DISP1: variants seen among roughly 807,000 people sequenced by gnomAD.
DISP1 encodes the protein dispatched RND transporter family member 1, also known as protein dispatched homolog 1.
Under a neutral mutation model 37.3 loss-of-function variants are expected in DISP1, and 30 were observed. That is an observed-to-expected ratio of 0.80 (90% CI 0.60 to 1.09). The LOEUF is 1.09. DISP1 is among the 50% of genes least tolerant of loss of function. DISP1 has a pLI of 0.00. For synonymous variants in DISP1, 634 were observed against 690.2 expected, an observed-to-expected ratio of 0.92 and a Z score of 1.28; for missense variants, 1,598 against 1,879.5, an observed-to-expected ratio of 0.85 and a Z score of 2.77.
intron 1 of DISP1, among the ~76,000 whole-genome samples, chr1:222,852,742 C>T (rs1436058614): frequency 2.6e-5 from 4 of 152,200 alleles, no homozygotes; most frequent in African/African-American, 9.6e-5. Flanking sequence ...CCTTGGCTCT[C>T]CTGGGGAATA....
At position 223,004,255 on chromosome 1, in the gene DISP1, G is replaced by A. The variant is rs1375839584; in HGVS notation, c.2858G>A (p.Ser953Asn). The A allele has an allele frequency of 1.9e-6, 3 of 1,614,154 alleles. No homozygotes were observed. The African/African-American group carries it at 4.0e-5, about 22-fold the overall frequency. ...FYKEVDSWIS[S>N]ELSSAPEGLS... Reference sequence around the variant, plus strand: ...AAAGAGGTGGACTCGTGGATATCCAGTGAGCTGAGTTCGGCCCCTGAAGGC... The same window carrying A: ...AAAGAGGTGGACTCGTGGATATCCAATGAGCTGAGTTCGGCCCCTGAAGGC... The change falls in exon 9 of 9, where the codon AGT becomes AAT. Residue 953 changes from serine to asparagine, a missense_variant. Coordinates refer to ENST00000675850, the MANE Select transcript of DISP1 (RefSeq NM_001377229.1). This position sits in a 1 kb window ranked among gnomAD's most constrained non-coding sequence, Gnocchi z 4.9.
chr1:222,833,990 C>G (rs1294040952), intron 1 of DISP1, among the ~76,000 whole-genome samples: 1 of 152,100 alleles, frequency 6.6e-6, no homozygotes, highest in African/African-American at 2.4e-5. Context: ...GTCCTTGGTA[C>G]ATGGTGAGTC....
intron 1 of DISP1, among the ~76,000 whole-genome samples, chr1:222,920,603 A>G (rs928308306): frequency 2.0e-5 from 3 of 152,192 alleles, no homozygotes; most frequent in Non-Finnish European, 4.4e-5. Context: ...GAAATCCGCA[A>G]TAAACTAACC....
At chr1:222,906,517 G>C (rs1360401185) in intron 1 of DISP1, among the ~76,000 whole-genome samples, 1 of 152,210 alleles carries the variant, frequency 6.6e-6, no homozygotes, top group Non-Finnish European at 1.5e-5. Flanking sequence ...TGGTCATAAA[G>C]ACCTTGCTGA....
At position 222,990,890 on chromosome 1, in the gene DISP1, A is replaced by G. The variant is rs1358390953; in HGVS notation, c.663+142A>G. 12 of 1,209,744 alleles carry G rather than the reference A, an allele frequency of 9.9e-6. No homozygotes were observed. In the Middle Eastern group the frequency reaches 8.3e-4, roughly 84 times the overall value. The allele number at this position is 1,209,744 out of a possible 1,614,324, so 74.9% of individuals were successfully genotyped here. A position where few individuals can be genotyped will look rare whatever the true frequency, so the allele number is the denominator to read the frequency against. Reference sequence around the variant, plus strand: ...AATTCTCTTTCTGAAAAGTAAAGACATGACTTTATCTGTATTATCAGGTTC... The same window carrying G: ...AATTCTCTTTCTGAAAAGTAAAGACGTGACTTTATCTGTATTATCAGGTTC... On this transcript the variant is annotated intron_variant, in intron 5 of 8. Transcript: ENST00000675850.
chr1:222,976,177 C>G (rs1677313707), intron 3 of DISP1, among the ~76,000 whole-genome samples: 1 of 151,906 alleles, frequency 6.6e-6, no homozygotes, highest in Non-Finnish European at 1.5e-5. Flanking sequence ...TTTATTTTTA[C>G]TAGACAAGAC....
chr1:222,934,580 G>A (rs756504133), intron 2 of DISP1, among the ~76,000 whole-genome samples: 51 of 152,150 alleles, frequency 3.4e-4, no homozygotes, highest in Admixed American at 7.9e-4. Flanking sequence ...AAGCAACTGT[G>A]GAGGAACCAT....
At chr1:222,912,281 G>A (rs1242352756) in intron 1 of DISP1, among the ~76,000 whole-genome samples, 3 of 152,188 alleles carry the variant, frequency 2.0e-5, no homozygotes, top group Non-Finnish European at 4.4e-5. Context: ...GGTTTGCATA[G>A]AGTAGCAATT....
rs547120759 is a variant in DISP1 at position 222,961,014 on chromosome 1, T to C, written c.509+17682T>C. Among the ~76,000 whole-genome samples the C allele has an allele frequency of 3.9e-5, 6 of 152,182 alleles. No homozygotes were observed. In the South Asian group the frequency reaches 1.0e-3, roughly 26 times the overall value. ...AAAAAAAAGCCCAGGACCACACTGA[T>C]TCACAGCCGAATTTTACCAGAGGTA... On this transcript the variant is annotated intron_variant, in intron 3 of 8. Coordinates refer to ENST00000675850, the MANE Select transcript of DISP1 (RefSeq NM_001377229.1).
chr1:222,988,946 T>C (rs1293822909), intron 4 of DISP1, among the ~76,000 whole-genome samples: 1 of 152,194 alleles, frequency 6.6e-6, no homozygotes, highest in Non-Finnish European at 1.5e-5. Flanking sequence ...AGCCACTGTG[T>C]CTGGCCTTTT....
At chr1:222,817,278 T>C (rs1661480317) in intron 1 of DISP1, among the ~76,000 whole-genome samples, 1 of 152,252 alleles carries the variant, frequency 6.6e-6, no homozygotes, top group Non-Finnish European at 1.5e-5. Flanking sequence ...AGATTCACTA[T>C]TTCTTTTTAT....
chr1:223,003,734 T>C lies in DISP1; in HGVS notation c.2337T>C (p.His779=), dbSNP rs768982174. Reference sequence around the variant, plus strand: ...TTTTCATGTTTGAACGTGTTCACCATGGCGAGGAGCTCCACATGCCCATCA... The same window carrying C: ...TTTTCATGTTTGAACGTGTTCACCACGGCGAGGAGCTCCACATGCCCATCA... ...KKLFMFERVH[H]GEELHMPITV... is the part of the protein sequence containing the mutation. Residue 779 remains histidine, a synonymous_variant, in exon 9 of 9, where the codon CAT becomes CAC. Transcript: ENST00000675850. The surrounding 1 kb of genome is among the most constrained non-coding windows in gnomAD (Gnocchi z 4.3). 3.1e-6 allele frequency: 5 copies of C among 1,614,062 alleles called. No individual in the cohort carries two copies. Among genetic ancestry groups the C allele is most frequent in the Non-Finnish European group, 4.2e-6 (5 of 1,180,046 alleles).
At chr1:222,976,852 T>G (rs111797002) in intron 3 of DISP1, among the ~76,000 whole-genome samples, 1 of 152,158 alleles carries the variant, frequency 6.6e-6, no homozygotes, top group Admixed American at 6.6e-5. Flanking sequence ...TAGCAAAATC[T>G]CCTAATTTCT....
At chr1:222,861,228 T>G (rs61840269) in intron 1 of DISP1, among the ~76,000 whole-genome samples, 12,399 of 152,262 alleles carry the variant, frequency 0.081, 572 homozygotes, top group Non-Finnish European at 0.098. Flanking sequence ...CTCTTGTCTA[T>G]TTTGTGGTGA....
chr1:222,834,398 T>C (rs1666500107), intron 1 of DISP1, among the ~76,000 whole-genome samples: 1 of 152,050 alleles, frequency 6.6e-6, no homozygotes, highest in Admixed American at 6.6e-5. Context: ...AGATAATAGA[T>C]GGGAACCTGA....
intron 8 of DISP1, among the ~76,000 whole-genome samples, chr1:222,998,868 C>T (rs1679252667): frequency 6.6e-6 from 1 of 152,094 alleles, no homozygotes; most frequent in Non-Finnish European, 1.5e-5. Flanking sequence ...AACATGTTTT[C>T]CTATTCTTGT....
chr1:222,949,603 A>C (rs1365222744), intron 3 of DISP1, among the ~76,000 whole-genome samples: 1 of 152,052 alleles, frequency 6.6e-6, no homozygotes, highest in African/African-American at 2.4e-5. Flanking sequence ...GAGAACAATA[A>C]GGAATTTTAT....
At chr1:222,834,713 T>A (rs1666607075) in intron 1 of DISP1, among the ~76,000 whole-genome samples, 1 of 152,220 alleles carries the variant, frequency 6.6e-6, no homozygotes, top group Non-Finnish European at 1.5e-5. Flanking sequence ...CCTATAATTC[T>A]TTTTAGTAGG....
chr1:222,953,217 G>A (rs984001098), intron 3 of DISP1, among the ~76,000 whole-genome samples: 1 of 152,142 alleles, frequency 6.6e-6, no homozygotes, highest in Non-Finnish European at 1.5e-5. Flanking sequence ...GGGAGTAACA[G>A]TAGCTATTTT....
Sources: allele counts gnomAD v4.1 joint callset (sites outside exome capture counted in the v4.1 genomes callset), GRCh38; gene constraint gnomAD v4.1.1; non-coding constraint Gnocchi (gnomAD v3.1); transcripts MANE v1.5; gene names NCBI Gene and HGNC (gene_info 2026-07-23, HGNC 2026-07-21).